Variants in KSR2 observed in about 807,000 individuals in gnomAD.
KSR2 encodes kinase suppressor of ras 2.
A neutral mutation model predicts 107.8 loss-of-function variants in KSR2; 25 were observed. The observed-to-expected ratio is 0.23, with a 90% CI of 0.17 to 0.32. The LOEUF is 0.32. Ranked by LOEUF, KSR2 falls within the 10% of genes least tolerant of loss-of-function variation. The pLI, the probability that KSR2 is intolerant of heterozygous loss-of-function variation, is 1.00. For synonymous variants in KSR2, 480 were observed against 507.0 expected (o/e 0.95, Z 0.71); for missense variants, 887 against 1,268.9 (o/e 0.70, Z 4.57).
intron 1 of KSR2, among the ~76,000 whole-genome samples, chr12:117,924,401 A>G (rs573417491): frequency 1.4e-3 from 209 of 149,990 alleles, no homozygotes; most frequent in Non-Finnish European, 1.9e-3. Flanking sequence ...CCCCGTCTCT[A>G]CTAAAAAAAA....
chr12:117,631,555 C>T (rs1217961263), intron 5 of KSR2, among the ~76,000 whole-genome samples: 4 of 152,140 alleles, frequency 2.6e-5, no homozygotes, highest in African/African-American at 9.7e-5. Context: ...CTTTTATCTA[C>T]ATTTTTCATG....
chr12:117,543,805 G>A (rs1028732914), intron 9 of KSR2, among the ~76,000 whole-genome samples: 1 of 152,282 alleles, frequency 6.6e-6, no homozygotes, highest in Non-Finnish European at 1.5e-5. Context: ...TGGCAAGGCC[G>A]TGTCTCAGGA....
At chr12:117,619,532 G>A (rs1401197917) in intron 5 of KSR2, among the ~76,000 whole-genome samples, 2 of 151,780 alleles carry the variant, frequency 1.3e-5, no homozygotes, top group Non-Finnish European at 2.9e-5. Flanking sequence ...CCCTACAAAG[G>A]ACATGAATTC....
intron 4 of KSR2, among the ~76,000 whole-genome samples, chr12:117,686,245 T>TTTTTTTTTTTTTTTTTTG (rs1885571181): frequency 8.5e-6 from 1 of 118,336 alleles, no homozygotes. Flanking sequence ...TTTTTTTTTT[T>TTTTTTTTTTTTTTTTTTG]AGCAGAGATG....
chr12:117,765,773 A>G (rs1889204660), intron 3 of KSR2, among the ~76,000 whole-genome samples: 1 of 152,174 alleles, frequency 6.6e-6, no homozygotes, highest in African/African-American at 2.4e-5. Flanking sequence ...TCGCAAAAGG[A>G]TGAGGAGGTG....
chr12:117,595,425 C>T (rs905580784), intron 5 of KSR2, among the ~76,000 whole-genome samples: 2 of 129,388 alleles, frequency 1.5e-5, no homozygotes, highest in South Asian at 2.4e-4. Context: ...ACTGCAGTGG[C>T]GCAATCTCGG....
chr12:117,525,736 A>G (rs977165337), intron 13 of KSR2, among the ~76,000 whole-genome samples: 9 of 152,348 alleles, frequency 5.9e-5, no homozygotes, highest in East Asian at 1.9e-4. Flanking sequence ...GTGCATCTGC[A>G]TGTAACACAT....
At chr12:117,728,578 G>A (rs1476930737) in intron 4 of KSR2, among the ~76,000 whole-genome samples, 1 of 152,154 alleles carries the variant, frequency 6.6e-6, no homozygotes, top group African/African-American at 2.4e-5. Flanking sequence ...AAACCTAAAT[G>A]GACAACTGAG....
chr12:117,768,895 A>T (rs1889339432), intron 3 of KSR2, among the ~76,000 whole-genome samples: 1 of 152,220 alleles, frequency 6.6e-6, no homozygotes, highest in African/African-American at 2.4e-5. Context: ...CAAGAAGGAC[A>T]TGTGGGGTTT....
At chr12:117,851,176 T>G (rs949264471) in intron 3 of KSR2, among the ~76,000 whole-genome samples, 2 of 152,198 alleles carry the variant, frequency 1.3e-5, no homozygotes, top group African/African-American at 4.8e-5. Context: ...GCCCTAAGGC[T>G]GGCATCTGAG....
chr12:117,657,022 AGTTC>A (rs1884214761), intron 5 of KSR2, among the ~76,000 whole-genome samples: 1 of 127,266 alleles, frequency 7.9e-6, no homozygotes, highest in Admixed American at 8.1e-5. Context: ...ATATCCTATT[AGTTC>A]TATCCCTCTA....
At chr12:117,625,049 G>A (rs1036277143) in intron 5 of KSR2, among the ~76,000 whole-genome samples, 7 of 152,200 alleles carry the variant, frequency 4.6e-5, no homozygotes, top group Non-Finnish European at 8.8e-5. Flanking sequence ...TTTGCACGTT[G>A]ATTTTGTATC....
In KSR2 at chr12:117,715,732, T is replaced by C. The variant is rs576657971; in HGVS notation, c.986+45279A>G. Among the ~76,000 whole-genome samples, 19 of 152,340 alleles carry C rather than the reference T, an allele frequency of 1.2e-4. No individual in the cohort carries two copies. The South Asian group carries it at 3.7e-3, about 30-fold the overall frequency. On this transcript the variant is annotated intron_variant, in intron 4 of 19. Transcript: ENST00000339824. ...ATAGCCACAGACAATACAAAATGAA[T>C]GCATCCTTCTGCCTGTCCATAACTC...
chr12:117,764,210 G>C (rs921477064), intron 3 of KSR2, among the ~76,000 whole-genome samples: 4 of 150,840 alleles, frequency 2.7e-5, no homozygotes, highest in African/African-American at 4.9e-5. Context: ...ATCAATAGCT[G>C]ATGGTCGAGC....
rs746889297 is a variant in KSR2 at position 117,539,907 on chromosome 12, T to C, written c.1519-20A>G. On this transcript the variant is annotated intron_variant, in intron 9 of 19. Transcript: ENST00000339824. Reference sequence around the variant, plus strand: ...GTGGTCCTGCAGAGAGAAAACAGGGTAGGAGTCAGGGACAGGCAGGGAAGC... The same window carrying C: ...GTGGTCCTGCAGAGAGAAAACAGGGCAGGAGTCAGGGACAGGCAGGGAAGC... 1 of 1,584,432 alleles carries C rather than the reference T, an allele frequency of 6.3e-7. No homozygotes were observed. The highest frequency in any genetic ancestry group is 1.8e-5 in the Admixed American group (1 of 54,242).
intron 1 of KSR2, among the ~76,000 whole-genome samples, chr12:117,906,950 G>A (rs1454143644): frequency 6.6e-6 from 1 of 152,020 alleles, no homozygotes; most frequent in Non-Finnish European, 1.5e-5. Context: ...ACCCAGGGAG[G>A]TGGAGGCTGC....
intron 16 of KSR2, among the ~76,000 whole-genome samples, chr12:117,481,499 T>C (rs1213160160): frequency 6.6e-6 from 1 of 152,192 alleles, no homozygotes; most frequent in Non-Finnish European, 1.5e-5. Flanking sequence ...GGTGGCCATC[T>C]ACAAGCTGGG....
At chr12:117,848,840 G>GGGTGGTGATGGTGGTGGTAACAACA (rs1892810803) in intron 3 of KSR2, among the ~76,000 whole-genome samples, 1 of 99,454 alleles carries the variant, frequency 1.0e-5, no homozygotes, top group Admixed American at 1.2e-4. Flanking sequence ...TGGTAGTGGT[G>GGGTGGTGATGGTGGTGGTAACAACA]GTGATGGTGA....
intron 3 of KSR2, among the ~76,000 whole-genome samples, chr12:117,791,357 G>A (rs1288432067): frequency 6.6e-6 from 1 of 152,114 alleles, no homozygotes; most frequent in African/African-American, 2.4e-5. Flanking sequence ...CTTTTTCACA[G>A]CCCTGAGTCA....
Sources: gnomAD v4.1 joint callset for allele counts (sites outside exome capture counted in the v4.1 genomes callset) on GRCh38, gnomAD v4.1.1 for gene constraint, MANE v1.5 for transcripts, NCBI Gene and HGNC (gene_info 2026-07-23, HGNC 2026-07-21) for gene names.